CCT4: variants seen among roughly 807,000 people sequenced by gnomAD.
CCT4 encodes T-complex protein 1 subunit delta.
In CCT4, 17 loss-of-function variants were observed where a neutral mutation model predicts 62.5. The ratio of observed to expected loss-of-function variants is 0.27; its 90% confidence interval spans 0.19 to 0.41. The LOEUF is 0.41. CCT4 is among the 10% of genes least tolerant of loss of function. The pLI is 1.00. For missense variants in CCT4, 592 were observed against 659.2 expected (o/e 0.90, Z 1.12); for synonymous variants, 250 against 229.9 (o/e 1.09, Z -0.79).
chr2:61,876,035 A>C (rs1668993028), intron 8 of CCT4, 60 bp downstream of exon 8: 2 of 1,062,188 alleles, frequency 1.9e-6, no homozygotes, highest in African/African-American at 1.6e-5. Context: ...AGAAAAAATA[A>C]ACTGCTAGTG....
rs1431301663 is a variant in CCT4, at chr2:61,872,588, T to A, written c.1126A>T (p.Ile376Phe). Residue 376 changes from isoleucine (I) to phenylalanine (F), a missense_variant and splice_region_variant, in exon 11 of 14, where the codon ATT becomes TTT. Ile to Phe is a conservative substitution (Grantham distance 21). Coordinates refer to ENST00000394440, the MANE Select transcript of CCT4 (RefSeq NM_006430.4). ...NLNGSGKLLK[I>F]TGCASPGKTV... ...TTTCCAGGGCTGGCACAGCCTGTAA[T>A]CTTCAGTAAACAAATTCCAAATTAA... is the stretch of plus-strand genomic sequence containing the variant. 1.2e-6 allele frequency: 2 copies of A among 1,612,868 alleles called. No individual in the cohort carries two copies. The highest frequency in any genetic ancestry group is 1.7e-6 in the Non-Finnish European group (2 of 1,179,746).
Position 61,876,218 on chromosome 2 carries a change from A to G in CCT4, c.794T>C (p.Val265Ala). 1 of 1,604,666 alleles carries G rather than the reference A, an allele frequency of 6.2e-7. No individual in the cohort carries two copies. Among genetic ancestry groups the G allele is most frequent in the Non-Finnish European group, 8.5e-7 (1 of 1,175,470 alleles). The part of the protein sequence containing the change: ...APKTDMDNQI[V>A]VSDYAQMDRV... ...GTCCATCTGGGCATAGTCAGAAACC[A>G]CTATTTGATTATCCATCTGTTCAGA... Residue 265 changes from valine to alanine, a missense_variant, in exon 8 of 14, where the codon GTG (valine) becomes GCG (alanine). By Grantham distance (64) the Val-to-Ala change is moderately conservative (BLOSUM62 0). This residue lies in a region of CCT4 where 522 missense variants were observed against 571.2 expected (regional missense o/e 0.91). Transcript: ENST00000394440.
At chr2:61,888,660 G>C, upstream of CCT4, 2 of 859,040 alleles carry the variant, frequency 2.3e-6, no homozygotes, top group Non-Finnish European at 3.4e-6. Context: ...GGAGAAGGGG[G>C]CCTTCCTTGC....
At chr2:61,873,788 A>G (rs1387766893) in intron 8 of CCT4, among the ~76,000 whole-genome samples, 1 of 151,796 alleles carries the variant, frequency 6.6e-6, no homozygotes, top group Non-Finnish European at 1.5e-5. Context: ...CTGGTCTCGA[A>G]CTCCTGACTT....
chr2:61,870,274 C>CA (rs1315141785), intron 12 of CCT4, among the ~76,000 whole-genome samples: 15 of 151,734 alleles, frequency 9.9e-5, no homozygotes, highest in South Asian at 4.2e-4. Flanking sequence ...GACTCTGTCT[C>CA]AAAAAAACAA....
chr2:61,882,691 A>G lies in CCT4; in HGVS notation c.270+768T>C, dbSNP rs566053145. Among the ~76,000 whole-genome samples the G allele has an allele frequency of 2.4e-4, 37 of 152,228 alleles. 1 individual carries two copies. The highest frequency in any genetic ancestry group is 3.4e-3 in the Middle Eastern group (1 of 294). ...CCCAACTATTATTTTTTGTATTTTC[A>G]GTAGAGACAAGGTCTCGCCATGTTG... is the stretch of plus-strand genomic sequence containing the variant. On this transcript the variant is annotated intron_variant, in intron 3 of 13. Coordinates refer to ENST00000394440, the MANE Select transcript of CCT4 (RefSeq NM_006430.4).
chr2:61,879,632 A>G (rs916228393), intron 4 of CCT4, among the ~76,000 whole-genome samples: 2 of 152,112 alleles, frequency 1.3e-5, no homozygotes, highest in African/African-American at 4.8e-5. Context: ...GTGATTGGAT[A>G]GTCACTACTA....
rs148728836 is a variant in CCT4 at position 61,877,424 on chromosome 2, G to T, written c.613C>A (p.Leu205Ile). The T allele has an allele frequency of 5.0e-6, 8 of 1,611,080 alleles. No homozygotes were observed. The highest frequency in any genetic ancestry group is 6.8e-6 in the Non-Finnish European group (8 of 1,178,402). ...TTCTTAACTATTTTAATATCTCTAAGATCTACACTGGTGGCTGTGGCTGGG... is the reference window on the plus strand; with the variant it reads ...TTCTTAACTATTTTAATATCTCTAATATCTACACTGGTGGCTGTGGCTGGG... ...IDPATATSVDLRDIKIVKKLG... is the reference protein window; with the variant it reads ...IDPATATSVDIRDIKIVKKLG... Residue 205 changes from leucine to isoleucine, a missense_variant, in exon 6 of 14, where the codon CTT becomes ATT. Leu to Ile is a conservative substitution (Grantham distance 5). Coordinates refer to ENST00000394440, the MANE Select transcript of CCT4 (RefSeq NM_006430.4).
intron 12 of CCT4, 120 bp from the exon 13 acceptor site, chr2:61,869,673 G>C (rs1668843801): frequency 1.5e-6 from 1 of 650,844 alleles, no homozygotes; most frequent in Admixed American, 2.5e-5. Flanking sequence ...AAGAAGATTA[G>C]AATATGATAC....
chr2:61,879,709 TAA>T (rs1463663023), intron 4 of CCT4, among the ~76,000 whole-genome samples: 1 of 152,076 alleles, frequency 6.6e-6, no homozygotes, highest in African/African-American at 2.4e-5. Context: ...CTTTCTTGTA[TAA>T]GAGTCCAAGA....
chr2:61,871,953 G>A (rs933073637), intron 12 of CCT4, 129 bp downstream of exon 12: 3 of 625,766 alleles, frequency 4.8e-6, no homozygotes, highest in Non-Finnish European at 8.2e-6. Context: ...TAATTAACAT[G>A]CAGCAGGCCT....
intron 3 of CCT4, among the ~76,000 whole-genome samples, chr2:61,882,651 G>A (rs191374768): frequency 3.9e-5 from 6 of 151,992 alleles, no homozygotes; most frequent in Admixed American, 3.9e-4. Context: ...TGAGACCACA[G>A]GTGCGCACCA....
chr2:61,870,763 T>C (rs1213809401), intron 12 of CCT4, among the ~76,000 whole-genome samples: 1 of 151,614 alleles, frequency 6.6e-6, no homozygotes, highest in East Asian at 2.0e-4. Flanking sequence ...TACTAAAAAA[T>C]ACAAAAAAAT....
chr2:61,879,104 C>T (rs1209666330), intron 4 of CCT4, 93 bp from the exon 5 acceptor site: 1 of 887,582 alleles, frequency 1.1e-6, no homozygotes, highest in African/African-American at 1.7e-5. Flanking sequence ...TCAAAGCAAG[C>T]ACAAATTTAA....
At chr2:61,877,602 T>A in intron 5 of CCT4, 88 bp from the exon 6 acceptor site, 2 of 1,064,132 alleles carry the variant, frequency 1.9e-6, no homozygotes, top group Non-Finnish European at 2.6e-6. Flanking sequence ...AGAAAGACTC[T>A]TATAATTTTT....
intron 1 of CCT4, among the ~76,000 whole-genome samples, chr2:61,885,344 C>T (rs1669227359): frequency 6.6e-6 from 1 of 152,124 alleles, no homozygotes; most frequent in African/African-American, 2.4e-5. Context: ...TAAAAATAAT[C>T]TATTGGCAAC....
chr2:61,875,284 A>C (rs1460466505), intron 8 of CCT4, among the ~76,000 whole-genome samples: 1 of 151,898 alleles, frequency 6.6e-6, no homozygotes, highest in Non-Finnish European at 1.5e-5. Flanking sequence ...TTTCTATAAA[A>C]ATTGCTCTTA....
intron 2 of CCT4, among the ~76,000 whole-genome samples, chr2:61,884,172 AT>A (rs1669184317): frequency 6.6e-6 from 1 of 152,240 alleles, no homozygotes; most frequent in Non-Finnish European, 1.5e-5. Flanking sequence ...ACTTAACTAC[AT>A]AATAGATATC....
At chr2:61,885,225 T>A (rs896008896) in intron 1 of CCT4, among the ~76,000 whole-genome samples, 153 bp from the exon 2 acceptor site, 1 of 151,704 alleles carries the variant, frequency 6.6e-6, no homozygotes, top group Non-Finnish European at 1.5e-5. Flanking sequence ...GTATGGGAAA[T>A]CAAGACTTCT....
Sources: gnomAD v4.1 joint callset for allele counts (sites outside exome capture counted in the v4.1 genomes callset) on GRCh38, gnomAD v4.1.1 for gene constraint, gnomAD v4.1.1 regional missense constraint, MANE v1.5 for transcripts, NCBI Gene and HGNC (gene_info 2026-07-23, HGNC 2026-07-21) for gene names.